SAFB: variants seen among roughly 807,000 people sequenced by gnomAD.
SAFB encodes scaffold attachment factor B.
In SAFB, 15 loss-of-function variants were observed where a neutral mutation model predicts 101.6. That is an observed-to-expected ratio of 0.15 (90% confidence interval 0.10 to 0.23). The LOEUF (loss-of-function observed/expected upper bound fraction) is 0.23. Ranked by LOEUF, SAFB falls within the 10% of genes least tolerant of loss-of-function variation. The pLI, the probability that SAFB is intolerant of heterozygous loss-of-function variation, is 1.00. For synonymous variants in SAFB, 449 were observed against 407.5 expected (o/e 1.10, Z -1.23); for missense variants, 930 against 1,104.1 (o/e 0.84, Z 2.23).
At chr19:5,666,747 G>A in intron 17 of SAFB, 1 of 474,558 alleles carries the variant, frequency 2.1e-6, no homozygotes, top group Non-Finnish European at 3.8e-6. Context: ...TCTCTTGTAA[G>A]CATCATCTTT....
At position 5,645,374 on chromosome 19, in the gene SAFB, C is replaced by T. The variant is rs755162887; in HGVS notation, c.584C>T (p.Ser195Leu). Residue 195 changes from serine (S) to leucine (L), a missense_variant, in exon 5 of 21, where the codon TCA becomes TTA. Physicochemically the swap from Ser to Leu is moderately radical, Grantham distance 145 (BLOSUM62 -2). Transcript: ENST00000588852. ...GAAACTATAAACAATTTAGATACTT[C>T]ATCATCTGACTTCACTATATTACAG... ...DKETINNLDT[S>L]SSDFTILQEI... 2.9e-6 allele frequency: 4 copies of T among 1,383,300 alleles called. No individual in the cohort carries two copies. The South Asian group carries it at 4.7e-5, about 16-fold the overall frequency. The allele number at this position is 1,383,300 out of a possible 1,614,324, so 85.7% of individuals were successfully genotyped here. A position where few individuals can be genotyped will look rare whatever the true frequency, so the allele number is the denominator to read the frequency against.
At chr19:5,662,235 CG>C (rs1419200649) in intron 15 of SAFB, among the ~76,000 whole-genome samples, 1 of 152,148 alleles carries the variant, frequency 6.6e-6, no homozygotes, top group Non-Finnish European at 1.5e-5. Context: ...CGCTAGTTCA[CG>C]CCTGTAATCC....
At chr19:5,642,635 A>G (rs1036386385) in intron 4 of SAFB, among the ~76,000 whole-genome samples, 22 of 133,384 alleles carry the variant, frequency 1.6e-4, no homozygotes, top group African/African-American at 4.5e-4. Flanking sequence ...AGGCATTGGC[A>G]TTATGCCCTT....
chr19:5,664,624 TGTCA>T, intron 17 of SAFB, 185 bp downstream of exon 17: 1 of 575,706 alleles, frequency 1.7e-6, no homozygotes, highest in Non-Finnish European at 3.1e-6. Flanking sequence ...TAGTCTTGGC[TGTCA>T]GTCCAAACAG....
chr19:5,668,359 G>A lies in SAFB; in HGVS notation c.*68G>A. The A allele has an allele frequency of 1.3e-6, 2 of 1,512,596 alleles. No homozygotes were observed. Among genetic ancestry groups the A allele is most frequent in the South Asian group, 1.3e-5 (1 of 77,802 alleles). 93.7% of individuals were successfully genotyped at this position (1,512,596 alleles called of 1,614,324 possible). A position where few individuals can be genotyped will look rare whatever the true frequency, so the allele number is the denominator to read the frequency against. ...GTTCTGTTAGGAGTTACCTTAAACTGTGTAAAAATATTTTTTTTTAATCTG... is the reference window on the plus strand; with the variant it reads ...GTTCTGTTAGGAGTTACCTTAAACTATGTAAAAATATTTTTTTTTAATCTG... On this transcript the variant is annotated 3_prime_UTR_variant, in exon 21 of 21. Transcript: ENST00000588852.
At position 5,651,060 on chromosome 19, in the gene SAFB, C is replaced by T. The variant is rs771162392; in HGVS notation, c.1281C>T (p.Ser427=). 4.4e-6 allele frequency: 7 copies of T among 1,603,138 alleles called. No individual in the cohort carries two copies. The highest frequency in any genetic ancestry group is 1.7e-4 in the Middle Eastern group (1 of 6,030). ...TRATDLKNLF[S]KYGKVVGAKV... is the part of the protein sequence containing the mutation. ...CTACAGATTTGAAGAATCTTTTCAGCAAATATGGGAAGGTAAGTGCCAGAG... is the reference window on the plus strand; with the variant it reads ...CTACAGATTTGAAGAATCTTTTCAGTAAATATGGGAAGGTAAGTGCCAGAG... Residue 427 remains serine (S), a synonymous_variant, in exon 9 of 21, where the codon AGC becomes AGT. Transcript: ENST00000588852.
intron 14 of SAFB, 51 bp from the exon 15 acceptor site, chr19:5,661,467 G>GA (rs1257400589): frequency 6.3e-7 from 1 of 1,599,410 alleles, no homozygotes; most frequent in South Asian, 1.1e-5. Context: ...TCAGCCCTGG[G>GA]ACCTGGCTGG....
In SAFB at chr19:5,667,203, CG is replaced by C. The variant is rs1555701596; in HGVS notation, c.2453+40del. The C allele has an allele frequency of 1.5e-6, 2 of 1,298,742 alleles. No homozygotes were observed. The highest frequency in any genetic ancestry group is 2.1e-6 in the Non-Finnish European group (2 of 934,456). 80.5% of individuals were successfully genotyped at this position (1,298,742 alleles called of 1,614,324 possible). ...ACCCGACAGTACCTGACCCCCCCCC[CG>C]CCCACAAGGGGGCCCGCAAGTCGCT... On this transcript the variant is annotated intron_variant, in intron 18 of 20. Coordinates refer to ENST00000588852, the MANE Select transcript of SAFB (RefSeq NM_001201338.2). This position sits in a 1 kb window ranked among gnomAD's most constrained non-coding sequence, Gnocchi z 4.0.
At chr19:5,650,065 C>T (rs961688120) in intron 8 of SAFB, 90 bp downstream of exon 8, 5 of 1,010,224 alleles carry the variant, frequency 4.9e-6, no homozygotes, top group Middle Eastern at 2.3e-4. Flanking sequence ...GTGCTATGCT[C>T]CTTACCCAGG....
rs1219352542 is a variant in SAFB at position 5,658,810 on chromosome 19, T to G, written c.1862+1463T>G. 2.2e-5 allele frequency among the ~76,000 whole-genome samples: 3 copies of G among 138,090 alleles called. No individual in the cohort carries two copies. In the Admixed American group the frequency reaches 2.3e-4, roughly 11 times the overall value. 90.6% of individuals were successfully genotyped at this position (138,090 alleles called of 152,430 possible). Reference sequence around the variant, plus strand: ...GTGAGCCAAGATCGCGCCACTGCACTCCAGCCTGGGCGACAGAGCAAGACT... The same window carrying G: ...GTGAGCCAAGATCGCGCCACTGCACGCCAGCCTGGGCGACAGAGCAAGACT... On this transcript the variant is annotated intron_variant, in intron 14 of 20. Transcript: ENST00000588852.
At position 5,653,137 on chromosome 19, in the gene SAFB, C is replaced by T. The variant is rs1342503230; in HGVS notation, c.1316C>T (p.Thr439Ile). The change falls in exon 10 of 21, where the codon ACA becomes ATA. Residue 439 changes from threonine to isoleucine, a missense_variant. Physicochemically the swap from Thr to Ile is moderately conservative, Grantham distance 89. Transcript: ENST00000588852. ...YGKVVGAKVV[T>I]NARSPGARCY... Reference sequence around the variant, plus strand: ...GAGGTGGTGGGCGCCAAGGTTGTGACAAATGCCCGGAGTCCTGGAGCTCGC... The same window carrying T: ...GAGGTGGTGGGCGCCAAGGTTGTGATAAATGCCCGGAGTCCTGGAGCTCGC... The T allele has an allele frequency of 1.2e-6, 2 of 1,613,930 alleles. No homozygotes were observed. Among genetic ancestry groups the T allele is most frequent in the South Asian group, 1.1e-5 (1 of 91,064 alleles).
At chr19:5,662,859 C>T (rs1218384611) in intron 15 of SAFB, among the ~76,000 whole-genome samples, 2 of 151,400 alleles carry the variant, frequency 1.3e-5, no homozygotes, top group African/African-American at 4.9e-5. Context: ...TCAGGCTGAT[C>T]TCAAACTCCT....
rs1316987040 is a variant in SAFB at position 5,664,449 on chromosome 19, AAGCT to A, written c.2334+12_2334+15del. 6.2e-7 allele frequency: 1 copy of A among 1,608,380 alleles called. No individual in the cohort carries two copies. Among genetic ancestry groups the A allele is most frequent in the African/African-American group, 1.3e-5 (1 of 74,946 alleles). ...AGAACGAGAAGGACAGGTAAGTCTG[AAGCT>A]ACAGTGGTAGCCACAGAATTTCCCA... On this transcript the variant is annotated intron_variant, in intron 17 of 20. Coordinates refer to ENST00000588852, the MANE Select transcript of SAFB (RefSeq NM_001201338.2).
intron 1 of SAFB, among the ~76,000 whole-genome samples, 158 bp from the exon 2 acceptor site, chr19:5,626,247 G>A (rs73920031): frequency 0.049 from 7,160 of 145,798 alleles, 394 homozygotes; most frequent in African/African-American, 0.13. Context: ...AGTGTAGAGC[G>A]AGATAACAGA....
At chr19:5,645,631 C>G (rs2145439097) in intron 5 of SAFB, among the ~76,000 whole-genome samples, 1 of 152,320 alleles carries the variant, frequency 6.6e-6, no homozygotes, top group Admixed American at 6.5e-5. Context: ...TGTGGCTTAC[C>G]AGCAGTCATT....
chr19:5,641,685 C>G (rs770862829), intron 3 of SAFB, 27 bp downstream of exon 3: 1 of 1,613,026 alleles, frequency 6.2e-7, no homozygotes, highest in East Asian at 2.2e-5. Context: ...GAGTGAGTAG[C>G]GTGGTGGATG....
rs761361564 is a variant in SAFB at position 5,623,215 on chromosome 19, A to G, written c.10A>G (p.Thr4Ala). 2 of 1,593,590 alleles carry G rather than the reference A, an allele frequency of 1.3e-6. No homozygotes were observed. The highest frequency in any genetic ancestry group is 1.8e-5 in the Admixed American group (1 of 56,312). MAE[T>A]LSGLGDSGAA... ...AGCCAGGGTCCCTGGAATGGCGGAG[A>G]CTCTGTCAGGCCTAGGTGATTCTGG... The change falls in exon 1 of 21, where the codon ACT (threonine) becomes GCT (alanine). Residue 4 changes from threonine to alanine, a missense_variant. Transcript: ENST00000588852.
chr19:5,654,179 C>G lies in SAFB; in HGVS notation c.1645C>G (p.Arg549Gly). Residue 549 changes from arginine to glycine, a missense_variant, in exon 12 of 21, where the codon CGA becomes GGA. Coordinates refer to ENST00000588852, the MANE Select transcript of SAFB (RefSeq NM_001201338.2). ...QDDQKPGPSE[R>G]SRATKSGSRG... ...TGATCAGAAACCTGGCCCCTCAGAG[C>G]GATCTCGAGCCACAAAGTCAGGTGG... 6.2e-7 allele frequency: 1 copy of G among 1,614,196 alleles called. No individual in the cohort carries two copies. The highest frequency in any genetic ancestry group is 8.5e-7 in the Non-Finnish European group (1 of 1,180,036).
intron 2 of SAFB, among the ~76,000 whole-genome samples, chr19:5,637,126 C>G (rs1381864874): frequency 6.6e-6 from 1 of 150,684 alleles, no homozygotes; most frequent in South Asian, 2.1e-4. Context: ...GGGTGGATCA[C>G]GAGGTCAGGA....
Sources: allele counts gnomAD v4.1 joint callset (sites outside exome capture counted in the v4.1 genomes callset), GRCh38; gene constraint gnomAD v4.1.1; non-coding constraint Gnocchi (gnomAD v3.1); transcripts MANE v1.5; gene names NCBI Gene and HGNC (gene_info 2026-07-23, HGNC 2026-07-21).